The following CSTF2 variants were observed in gnomAD, a reference collection of about 807,000 sequenced individuals.
CSTF2 encodes cleavage stimulation factor subunit 2, also known as CF-1 64 kDa subunit.
CSTF2 carries 8 observed loss-of-function variants against 45.4 expected under a neutral mutation model. The ratio of observed to expected loss-of-function variants is 0.18; its 90% CI spans 0.10 to 0.32. The LOEUF (loss-of-function observed/expected upper bound fraction) is 0.32, where lower values mean the gene tolerates loss of function less well. CSTF2 is among the 10% of genes least tolerant of loss of function. The pLI, the probability that CSTF2 is intolerant of heterozygous loss-of-function variation, is 1.00. For missense variants in CSTF2, 253 were observed against 477.1 expected (o/e 0.53, Z 4.38); for synonymous variants, 155 against 158.9 (o/e 0.98, Z 0.18).
In CSTF2 at chrX:100,831,665, T is replaced by C. The variant is rs778539205; in HGVS notation, c.1031+9T>C. The C allele has an allele frequency of 3.3e-6, 4 of 1,206,260 alleles. No individual in the cohort carries two copies. In the African/African-American group the frequency reaches 7.0e-5, roughly 21 times the overall value. On this transcript the variant is annotated intron_variant, in intron 9 of 13. Transcript: ENST00000372972. The stretch of plus-strand genomic sequence containing the variant: ...GGAGAGGTAGAGCCTAGGTAAGCAC[T>C]AACATAGAAGGAAACAGTTGAAGAA...
chrX:100,839,361 T>A (rs1394884614), intron 13 of CSTF2, among the ~76,000 whole-genome samples: 1 of 111,249 alleles, frequency 9.0e-6, no homozygotes, highest in Non-Finnish European at 1.9e-5. Context: ...TTCCCCAGCA[T>A]TTTGTATTTT....
At chrX:100,822,808 C>CTCCA (rs2147886363) in intron 3 of CSTF2, 1 of 124,398 alleles carries the variant, frequency 8.0e-6, no homozygotes, top group Non-Finnish European at 1.5e-5. Flanking sequence ...TCTTCAGTTG[C>CTCCA]TCCAGCCTGG....
chrX:100,829,066 A>G (rs765750076), intron 8 of CSTF2, among the ~76,000 whole-genome samples: 43 of 112,256 alleles, frequency 3.8e-4, no homozygotes, highest in Non-Finnish European at 2.3e-4. Context: ...ACTTCCAAGC[A>G]TATTCTTCAG....
chrX:100,831,482 A>C, intron 8 of CSTF2, 33 bp from the exon 9 acceptor site: 1 of 1,209,050 alleles, frequency 8.3e-7, no homozygotes, highest in South Asian at 1.8e-5. Flanking sequence ...TGTGTCTTTC[A>C]CAGCAGTAAC....
At chrX:100,840,231 C>T (rs1417529642) in intron 13 of CSTF2, among the ~76,000 whole-genome samples, 2 of 112,103 alleles carry the variant, frequency 1.8e-5, no homozygotes, top group African/African-American at 6.5e-5. Flanking sequence ...TTTCCTCCAT[C>T]CTATACCTAG....
chrX:100,838,893 A>G (rs780432044), intron 13 of CSTF2, among the ~76,000 whole-genome samples: 8 of 110,705 alleles, frequency 7.2e-5, no homozygotes, highest in Non-Finnish European at 1.1e-4. Flanking sequence ...ATCAGTTTCT[A>G]TATATTTTGG....
At chrX:100,833,142 G>A (rs1454434949) in intron 10 of CSTF2, 38 bp from the exon 11 acceptor site, 1 of 1,170,042 alleles carries the variant, frequency 8.5e-7, no homozygotes, top group Non-Finnish European at 1.2e-6. Flanking sequence ...GTACATGCAA[G>A]TAGCTACATA....
intron 11 of CSTF2, among the ~76,000 whole-genome samples, chrX:100,834,342 C>T (rs1369304118): frequency 2.7e-5 from 3 of 111,506 alleles, no homozygotes; most frequent in South Asian, 7.6e-4. Flanking sequence ...TCATCTAATT[C>T]CCTCAGTTTA....
Position 100,833,132 on chromosome X carries a change from G to C in CSTF2, c.1208-48G>C, listed in dbSNP as rs751568487. The C allele has an allele frequency of 2.6e-6, 3 of 1,133,856 alleles. No individual in the cohort carries two copies. The Admixed American group carries it at 7.2e-5, about 27-fold the overall frequency. The allele number at this position is 1,133,856 out of a possible 1,213,427, so 93.4% of individuals were successfully genotyped here. ...TCTTGGATTGTTCATCATTCTTGCA[G>C]TACATGCAAGTAGCTACATAATGGT... On this transcript the variant is annotated intron_variant, in intron 10 of 13. Transcript: ENST00000372972.
At chrX:100,838,513 G>A (rs1205959815) in intron 13 of CSTF2, 149 bp downstream of exon 13, 5 of 415,879 alleles carry the variant, frequency 1.2e-5, no homozygotes, top group Non-Finnish European at 1.9e-5. Flanking sequence ...GTCAGCTCCT[G>A]TAGGGATAGA....
intron 8 of CSTF2, chrX:100,830,830 G>A: frequency 8.7e-7 from 1 of 1,154,135 alleles, no homozygotes; most frequent in East Asian, 3.3e-5. Flanking sequence ...ACTCGCCCGT[G>A]GGACCCGCCG....
intron 3 of CSTF2, chrX:100,822,665 A>G (rs1417578435): frequency 2.5e-6 from 1 of 401,229 alleles, no homozygotes; most frequent in South Asian, 2.8e-5. Flanking sequence ...GAGCAGGGCA[A>G]GGCCTCAAAC....
intron 13 of CSTF2, among the ~76,000 whole-genome samples, chrX:100,839,597 C>T (rs2085029004): frequency 9.0e-6 from 1 of 111,642 alleles, no homozygotes; most frequent in Non-Finnish European, 1.9e-5. Context: ...TGCGACTATG[C>T]ATCATATATG....
intron 6 of CSTF2, among the ~76,000 whole-genome samples, chrX:100,826,291 C>CTTTTTTTT (rs771545462): frequency 1.5e-5 from 1 of 67,975 alleles, no homozygotes; most frequent in African/African-American, 5.9e-5. Context: ...GGGTTTAGGG[C>CTTTTTTTT]TTTTTTTTTT....
intron 2 of CSTF2, among the ~76,000 whole-genome samples, chrX:100,821,859 C>T (rs1263826494): frequency 9.0e-6 from 1 of 111,672 alleles, no homozygotes; most frequent in Non-Finnish European, 1.9e-5. Context: ...TTTGGGAGGC[C>T]GAGGCAGGCG....
chrX:100,820,605 A>C (rs1286419842), intron 1 of CSTF2, 131 bp downstream of exon 1: 1 of 653,582 alleles, frequency 1.5e-6, no homozygotes, highest in African/African-American at 2.1e-5. Context: ...AGGGCGTCCA[A>C]CCTGGTGGAC....
At chrX:100,822,860 A>C (rs1402670853) in intron 3 of CSTF2, 1 of 143,436 alleles carries the variant, frequency 7.0e-6, no homozygotes, top group African/African-American at 3.2e-5. Flanking sequence ...AAAAAAAAAA[A>C]AGAATTTCCA....
At chrX:100,823,269 T>C in intron 3 of CSTF2, 23 bp from the exon 4 acceptor site, 3 of 1,202,610 alleles carry the variant, frequency 2.5e-6, no homozygotes, top group Non-Finnish European at 3.4e-6. Flanking sequence ...TCCCTAACTT[T>C]CTTGTACTTT....
intron 4 of CSTF2, 134 bp from the exon 5 acceptor site, chrX:100,823,752 A>G: frequency 1.3e-6 from 1 of 777,322 alleles, no homozygotes. Flanking sequence ...GCCATGACCA[A>G]GGTTTTTTTG....
Sources: allele counts gnomAD v4.1 joint callset (sites outside exome capture counted in the v4.1 genomes callset), GRCh38; gene constraint gnomAD v4.1.1; transcripts MANE v1.5; gene names NCBI Gene and HGNC (gene_info 2026-07-23, HGNC 2026-07-21).